Variants in KDM2B observed in about 807,000 individuals in gnomAD.
The protein encoded by KDM2B is lysine demethylase 2B, also known as lysine-specific demethylase 2B.
Under a neutral mutation model 150.0 loss-of-function variants are expected in KDM2B, and 26 were observed. That is an observed-to-expected ratio of 0.17 (90% CI 0.13 to 0.24). The LOEUF (loss-of-function observed/expected upper bound fraction) is 0.24, where lower values mean the gene tolerates loss of function less well. Ranked by LOEUF, KDM2B falls within the 10% of genes least tolerant of loss-of-function variation. The probability of loss-of-function intolerance (pLI) is 1.00; values close to 1 mark genes in which losing one functional copy is unlikely to be tolerated. For synonymous variants in KDM2B, 734 were observed against 729.5 expected (o/e 1.01, Z -0.10); for missense variants, 1,265 against 1,816.9 (o/e 0.70, Z 5.52).
chr12:121,415,708 G>A, the KDM2B span, among the ~76,000 whole-genome samples: 2 of 152,016 alleles, frequency 1.3e-5, no homozygotes, highest in African/African-American at 2.4e-5. Context: ...TAGAACTGTG[G>A]TGCAATGGCC....
At chr12:121,563,656 C>T (rs185714070) in intron 4 of KDM2B, among the ~76,000 whole-genome samples, 4 of 151,808 alleles carry the variant, frequency 2.6e-5, no homozygotes, top group East Asian at 1.9e-4. Context: ...CAGTGGCTCA[C>T]GCCTGTAATC....
In KDM2B at chr12:121,444,140, G is replaced by A. The variant is rs782635268; in HGVS notation, c.2323C>T (p.Arg775Trp). 7.4e-6 allele frequency: 12 copies of A among 1,612,666 alleles called. No individual in the cohort carries two copies. Among genetic ancestry groups the A allele is most frequent in the East Asian group, 4.5e-5 (2 of 44,880 alleles). ...KRRSECEEAP[R>W]RRSDEHSKKV... The stretch of plus-strand genomic sequence containing the variant: ...TTCGAGTGCTCATCCGACCTGCGCC[G>A]GGGCGCCTCCTCACACTCACTCCTC... Residue 775 changes from arginine (R) to tryptophan (W), a missense_variant, in exon 16 of 23, where the codon CGG (arginine) becomes TGG (tryptophan). This residue lies in a region of KDM2B where 418 missense variants were observed against 402.4 expected (regional missense o/e 1.04). Transcript: ENST00000377071.
At position 121,465,310 on chromosome 12, in the gene KDM2B, C is replaced by T. The variant is rs556270755; in HGVS notation, c.1735-11966G>A. 1.7e-3 allele frequency among the ~76,000 whole-genome samples: 255 copies of T among 152,194 alleles called. 2 individuals carry two copies. The highest frequency in any genetic ancestry group is 5.9e-3 in the African/African-American group (245 of 41,532). ...TGGCACGATCTCGGCTCATTGCAAC[C>T]GCAACCTCCGCCTCCTGGGTTCAAG... On this transcript the variant is annotated intron_variant, in intron 12 of 22. Coordinates refer to ENST00000377071, the MANE Select transcript of KDM2B (RefSeq NM_032590.5).
In KDM2B at chr12:121,430,144, C is replaced by T; in HGVS notation, c.*144G>A. 6.2e-7 allele frequency: 1 copy of T among 1,614,158 alleles called. No individual in the cohort carries two copies. Among genetic ancestry groups the T allele is most frequent in the Non-Finnish European group, 8.5e-7 (1 of 1,180,002 alleles). On this transcript the variant is annotated 3_prime_UTR_variant, in exon 23 of 23. Transcript: ENST00000377071. This position sits in a 1 kb window ranked among gnomAD's most constrained non-coding sequence, Gnocchi z 4.4. ...CTCATCCCCCAAACGGGTGGTTGAA[C>T]AGCTTCTCCCTTGGAAAGACTTGCA...
chr12:121,538,712 G>C (rs562395307), intron 6 of KDM2B, among the ~76,000 whole-genome samples: 44 of 152,120 alleles, frequency 2.9e-4, no homozygotes, highest in Non-Finnish European at 5.9e-4. Context: ...CCTGTTTTCA[G>C]ATAAGCACAG....
chr12:121,471,992 G>A (rs1007984324), intron 12 of KDM2B, among the ~76,000 whole-genome samples: 2 of 152,072 alleles, frequency 1.3e-5, no homozygotes, highest in Non-Finnish European at 1.5e-5. Context: ...GCATGGTGAC[G>A]CGTGCCTATA....
Position 121,499,178 on chromosome 12 carries a change from T to C in KDM2B, c.1648-4513A>G, listed in dbSNP as rs1214106261. Among the ~76,000 whole-genome samples, 3 of 150,158 alleles carry C rather than the reference T, an allele frequency of 2.0e-5. No individual in the cohort carries two copies. In the East Asian group the frequency reaches 5.9e-4, roughly 29 times the overall value. On this transcript the variant is annotated intron_variant, in intron 11 of 22. Transcript: ENST00000377071. Reference sequence around the variant, plus strand: ...CAGGCTAGAGTGCAGTGGCACAATCTTAGCTCACTGCAGCCTCTACCTCCC... The same window carrying C: ...CAGGCTAGAGTGCAGTGGCACAATCCTAGCTCACTGCAGCCTCTACCTCCC...
At chr12:121,496,838 GC>G (rs1483932620) in intron 11 of KDM2B, among the ~76,000 whole-genome samples, 34 of 151,808 alleles carry the variant, frequency 2.2e-4, no homozygotes, top group African/African-American at 8.0e-4. Flanking sequence ...GCAGGTGTGA[GC>G]CCCCCAAAGT....
the KDM2B span, chr12:121,420,274 AGATGATGATGACGAC>A: frequency 6.2e-7 from 1 of 1,604,368 alleles, no homozygotes; most frequent in Non-Finnish European, 8.5e-7. Context: ...CAAACACAGA[AGATGATGATGACGAC>A]GATGATGAGG....
chr12:121,444,702 A>G lies in KDM2B; in HGVS notation c.2104-166T>C, dbSNP rs1875841888. On this transcript the variant is annotated intron_variant, in intron 14 of 22. Coordinates refer to ENST00000377071, the MANE Select transcript of KDM2B (RefSeq NM_032590.5). ...AACACAGCTGCAGAGGCTGGCAGAG[A>G]CGGGCAGCTGTGGATCCAGGCCAGG... The G allele has an allele frequency of 6.1e-6, 4 of 650,882 alleles. No homozygotes were observed. In the South Asian group the frequency reaches 7.0e-5, roughly 11 times the overall value. 40.3% of individuals were successfully genotyped at this position (650,882 alleles called of 1,614,324 possible). A position where few individuals can be genotyped will look rare whatever the true frequency, so the allele number is the denominator to read the frequency against.
intron 8 of KDM2B, 121 bp downstream of exon 8, chr12:121,532,685 C>T: frequency 9.6e-7 from 1 of 1,037,744 alleles, no homozygotes. Context: ...GCTGGCTCCC[C>T]TCGGGGACTG....
At position 121,548,290 on chromosome 12, in the gene KDM2B, T is replaced by A. The variant is rs1889223447; in HGVS notation, c.683+587A>T. Among the ~76,000 whole-genome samples, 4 of 151,992 alleles carry A rather than the reference T, an allele frequency of 2.6e-5. 1 individual carries two copies. In the South Asian group the frequency reaches 8.3e-4, roughly 32 times the overall value. On this transcript the variant is annotated intron_variant, in intron 6 of 22. Coordinates refer to ENST00000377071, the MANE Select transcript of KDM2B (RefSeq NM_032590.5). ...TCAGAAAAAAATAAAAATAAAAAAA[T>A]AAACCATGGTTAACTTCTGTACCTA... is the stretch of plus-strand genomic sequence containing the variant.
At chr12:121,434,652 C>T (rs1436156571) in intron 22 of KDM2B, among the ~76,000 whole-genome samples, 2 of 152,008 alleles carry the variant, frequency 1.3e-5, no homozygotes, top group African/African-American at 4.8e-5. Context: ...TGAATTTCGA[C>T]ATGCAAAAGA....
chr12:121,512,971 CT>C (rs1555304242), intron 10 of KDM2B, among the ~76,000 whole-genome samples: 1 of 152,266 alleles, frequency 6.6e-6, no homozygotes, highest in Non-Finnish European at 1.5e-5. Flanking sequence ...CGAGGATTCT[CT>C]GCTCTGTGGG....
intron 11 of KDM2B, among the ~76,000 whole-genome samples, chr12:121,506,041 G>C (rs1277361159): frequency 2.0e-5 from 3 of 150,746 alleles, no homozygotes; most frequent in Non-Finnish European, 4.5e-5. Flanking sequence ...ACAGGGTCTT[G>C]TTCTGTCTCC....
chr12:121,434,283 C>A (rs1449192013), intron 22 of KDM2B, among the ~76,000 whole-genome samples: 2 of 151,792 alleles, frequency 1.3e-5, no homozygotes, highest in African/African-American at 4.8e-5. Flanking sequence ...CGCCTATAAT[C>A]CCAGCACTTT....
chr12:121,475,171 TAC>T (rs1211165561), intron 12 of KDM2B, among the ~76,000 whole-genome samples: 1 of 145,796 alleles, frequency 6.9e-6, no homozygotes, highest in Non-Finnish European at 1.5e-5. Flanking sequence ...GTCATTAAAC[TAC>T]ACATGACTCT....
At position 121,549,595 on chromosome 12, in the gene KDM2B, C is replaced by A; in HGVS notation, c.441G>T (p.Lys147Asn). Residue 147 changes from lysine to asparagine, a missense_variant, in exon 5 of 23, where the codon AAG (lysine) becomes AAT (asparagine). By Grantham distance (94) the Lys-to-Asn change is moderately conservative. Around this residue, in one of 11 missense-constraint regions of KDM2B, gnomAD observed 214 missense variants for 447.4 expected, o/e 0.48. Coordinates refer to ENST00000377071, the MANE Select transcript of KDM2B (RefSeq NM_032590.5). This position sits in a 1 kb window ranked among gnomAD's most constrained non-coding sequence, Gnocchi z 4.4. Reference sequence around the variant, plus strand: ...ACTGGGACATGCTCATCTCCGTGCCCTTCTGGGTGTTCACATCCATCACGT... The same window carrying A: ...ACTGGGACATGCTCATCTCCGTGCCATTCTGGGTGTTCACATCCATCACGT... ...LVDVMDVNTQKGTEMSMSQFV... is the reference protein window; with the variant it reads ...LVDVMDVNTQNGTEMSMSQFV... 6.2e-7 allele frequency: 1 copy of A among 1,608,346 alleles called. No individual in the cohort carries two copies. The highest frequency in any genetic ancestry group is 1.1e-5 in the South Asian group (1 of 90,714).
intron 12 of KDM2B, among the ~76,000 whole-genome samples, chr12:121,456,148 G>A (rs1326354141): frequency 2.0e-5 from 3 of 152,222 alleles, no homozygotes; most frequent in Non-Finnish European, 2.9e-5. Context: ...AGCATGATGC[G>A]TGGACTCCGG....
Sources: gnomAD v4.1 joint callset for allele counts (sites outside exome capture counted in the v4.1 genomes callset) on GRCh38, gnomAD v4.1.1 for gene constraint, gnomAD v4.1.1 regional missense constraint, Gnocchi (gnomAD v3.1) non-coding constraint, MANE v1.5 for transcripts, NCBI Gene and HGNC (gene_info 2026-07-23, HGNC 2026-07-21) for gene names.